Variants in RPAP2 observed in about 807,000 individuals in gnomAD.
The protein encoded by RPAP2 is RNA polymerase II associated protein 2, also known as putative RNA polymerase II subunit B1 CTD phosphatase RPAP2.
A neutral mutation model predicts 73.1 loss-of-function variants in RPAP2; 52 were observed. The ratio of observed to expected loss-of-function variants is 0.71; its 90% CI spans 0.57 to 0.90. The LOEUF (loss-of-function observed/expected upper bound fraction) is 0.90. Among genes scored for constraint, RPAP2 ranks in the 40% least tolerant of loss-of-function variants. The probability of loss-of-function intolerance (pLI) is 0.00; values close to 1 mark genes in which losing one functional copy is unlikely to be tolerated. For missense variants in RPAP2, 598 were observed against 701.8 expected, an observed-to-expected ratio of 0.85 and a Z score of 1.67; for synonymous variants, 225 against 242.1, an observed-to-expected ratio of 0.93 and a Z score of 0.65.
At chr1:92,384,104 T>A (rs1655764478) in intron 12 of RPAP2, among the ~76,000 whole-genome samples, 2 of 151,528 alleles carry the variant, frequency 1.3e-5, no homozygotes, top group Non-Finnish European at 2.9e-5. Flanking sequence ...ACTACAGGCG[T>A]GCACCACCAC....
At chr1:92,302,356 A>G (rs1005073809) in intron 3 of RPAP2, among the ~76,000 whole-genome samples, 1 of 151,606 alleles carries the variant, frequency 6.6e-6, no homozygotes, top group Non-Finnish European at 1.5e-5. Flanking sequence ...AAAAGCAAAT[A>G]TATTTTACCC....
At chr1:92,324,555 A>G (rs539605418) in intron 8 of RPAP2, among the ~76,000 whole-genome samples, 180 bp downstream of exon 8, 52 of 152,348 alleles carry the variant, frequency 3.4e-4, no homozygotes, top group African/African-American at 1.3e-3. Context: ...TATTTTACAA[A>G]TAAGTTGACG....
At chr1:92,305,377 G>A (rs1347052882) in intron 5 of RPAP2, among the ~76,000 whole-genome samples, 2 of 139,850 alleles carry the variant, frequency 1.4e-5, no homozygotes, top group Non-Finnish European at 3.0e-5. Context: ...AGCTTGCAGT[G>A]AGCCGAGATC....
At chr1:92,380,149 G>C (rs188109994) in intron 11 of RPAP2, among the ~76,000 whole-genome samples, 67 of 149,758 alleles carry the variant, frequency 4.5e-4, no homozygotes, top group Middle Eastern at 3.7e-3. Context: ...GTGGTGGCAA[G>C]CACCTATAAT....
In RPAP2 at chr1:92,390,254, GA is replaced by G. The variant is rs1026725031; in HGVS notation, c.*3247del. 2 of 152,194 alleles carry G rather than the reference GA, an allele frequency of 1.3e-5. No individual in the cohort carries two copies. Among genetic ancestry groups the G allele is most frequent in the African/African-American group, 4.8e-5 (2 of 41,466 alleles). 9.4% of individuals were successfully genotyped at this position (152,194 alleles called of 1,614,324 possible). A position where few individuals can be genotyped will look rare whatever the true frequency, so the allele number is the denominator to read the frequency against. On this transcript the variant is annotated 3_prime_UTR_variant, in exon 13 of 13. Coordinates refer to ENST00000610020, the MANE Select transcript of RPAP2 (RefSeq NM_024813.3). ...GGGGCCAATATTCAACATTCTTAAA[GA>G]AAAGAATTTTCAACCCAGAATCTCA...
rs1009282234 is a variant in RPAP2 at position 92,390,324 on chromosome 1, C to T, written c.*3313C>T. 1 of 152,120 alleles carries T rather than the reference C, an allele frequency of 6.6e-6. No homozygotes were observed. Among genetic ancestry groups the T allele is most frequent in the Non-Finnish European group, 1.5e-5 (1 of 68,020 alleles). 9.4% of individuals were successfully genotyped at this position (152,120 alleles called of 1,614,324 possible). A position where few individuals can be genotyped will look rare whatever the true frequency, so the allele number is the denominator to read the frequency against. On this transcript the variant is annotated 3_prime_UTR_variant, in exon 13 of 13. Transcript: ENST00000610020. The stretch of plus-strand genomic sequence containing the variant: ...TTCTTAAGTGAAGGAGAAATAAAAT[C>T]CTTTACAGACAAGCAAATGCTGAGA...
Position 92,307,197 on chromosome 1 carries a change from A to G in RPAP2, c.409A>G (p.Ser137Gly). The G allele has an allele frequency of 6.2e-7, 1 of 1,610,008 alleles. No homozygotes were observed. Among genetic ancestry groups the G allele is most frequent in the Non-Finnish European group, 8.5e-7 (1 of 1,178,098 alleles). ...YDITERKSFC[S>G]NFCYQASKFF... is the part of the protein sequence containing the mutation. ...ATAATGTTCTTTTCAGTCTTTTTGC[A>G]GCAATTTTTGTTATCAAGCATCTAA... Residue 137 changes from serine (S) to glycine (G), a missense_variant, in exon 6 of 13, where the codon AGC (serine) becomes GGC (glycine). By Grantham distance (56) the Ser-to-Gly change is moderately conservative. Around this residue, in one of 3 missense-constraint regions of RPAP2, gnomAD observed 506 missense variants for 612.8 expected, o/e 0.83. Transcript: ENST00000610020.
At chr1:92,382,726 T>G (rs532207196) in intron 12 of RPAP2, among the ~76,000 whole-genome samples, 4 of 152,256 alleles carry the variant, frequency 2.6e-5, no homozygotes, top group Non-Finnish European at 5.9e-5. Context: ...GGTTGCCTGT[T>G]CACTCTGATG....
intron 5 of RPAP2, among the ~76,000 whole-genome samples, chr1:92,305,935 G>A (rs1386159991): frequency 6.6e-6 from 1 of 152,054 alleles, no homozygotes; most frequent in Middle Eastern, 3.4e-3. Context: ...CTATTCCTTG[G>A]TATAAACCCT....
intron 5 of RPAP2, among the ~76,000 whole-genome samples, chr1:92,304,619 G>A (rs1049355949): frequency 1.3e-5 from 2 of 152,142 alleles, no homozygotes; most frequent in Non-Finnish European, 2.9e-5. Context: ...AATAAATCAT[G>A]GAACAGAATA....
rs923335569 is a variant in RPAP2, at chr1:92,392,616, G to A, written c.*5605G>A. 6.6e-6 allele frequency: 1 copy of A among 152,178 alleles called. No homozygotes were observed. Among genetic ancestry groups the A allele is most frequent in the Non-Finnish European group, 1.5e-5 (1 of 68,030 alleles). 9.4% of individuals were successfully genotyped at this position (152,178 alleles called of 1,614,324 possible). ...AATTGTCTCTGTTTGCAGATGACAT[G>A]ATTGTATATTTAGAAAACCCCATCG... is the stretch of plus-strand genomic sequence containing the variant. On this transcript the variant is annotated 3_prime_UTR_variant, in exon 13 of 13. Transcript: ENST00000610020.
intron 2 of RPAP2, 84 bp downstream of exon 2, chr1:92,300,323 C>T: frequency 1.3e-5 from 11 of 831,598 alleles, no homozygotes; most frequent in South Asian, 1.9e-5. Flanking sequence ...TAATGGTTAC[C>T]TTTTTTTTTT....
chr1:92,329,806 T>G (rs1652854377), intron 8 of RPAP2, among the ~76,000 whole-genome samples: 1 of 152,256 alleles, frequency 6.6e-6, no homozygotes, highest in African/African-American at 2.4e-5. Flanking sequence ...AATATTTGCC[T>G]TAGAATTTTT....
At position 92,391,267 on chromosome 1, in the gene RPAP2, T is replaced by G. The variant is rs1656031279; in HGVS notation, c.*4256T>G. ...ACAACTGCATGGAAACTGAACAACC[T>G]GTTCCTGAATGACTACTGGGTAAAT... is the stretch of plus-strand genomic sequence containing the variant. On this transcript the variant is annotated 3_prime_UTR_variant, in exon 13 of 13. Coordinates refer to ENST00000610020, the MANE Select transcript of RPAP2 (RefSeq NM_024813.3). 6.6e-6 allele frequency: 1 copy of G among 152,156 alleles called. No individual in the cohort carries two copies. The highest frequency in any genetic ancestry group is 6.5e-5 in the Admixed American group (1 of 15,276). 9.4% of individuals were successfully genotyped at this position (152,156 alleles called of 1,614,324 possible).
In RPAP2 at chr1:92,299,131, T is replaced by C. The variant is rs1237871744; in HGVS notation, c.58T>C (p.Ser20Pro). 6.6e-7 allele frequency: 1 copy of C among 1,519,502 alleles called. No individual in the cohort carries two copies. The highest frequency in any genetic ancestry group is 8.8e-7 in the Non-Finnish European group (1 of 1,130,020). 94.1% of individuals were successfully genotyped at this position (1,519,502 alleles called of 1,614,324 possible). Residue 20 changes from serine to proline, a missense_variant, in exon 1 of 13, where the codon TCT becomes CCT. By Grantham distance (74) the Ser-to-Pro change is moderately conservative. Transcript: ENST00000610020. ...CCGCAAGGCCGGGGCTCCCCGCTGCTCTCGAAAAGCCGCAGGTAGGAGCAA... is the reference window on the plus strand; with the variant it reads ...CCGCAAGGCCGGGGCTCCCCGCTGCCCTCGAAAAGCCGCAGGTAGGAGCAA... ...AGRKAGAPRC[S>P]RKAAGTKQTS... is the part of the protein sequence containing the mutation.
rs561006010 is a variant in RPAP2, at chr1:92,352,185, G to A, written c.1688+6271G>A. ...GGCTGTTTCCAGTGAACTGTGGCCC[G>A]CTTCCTAGGCAGAGACCATACAATA... On this transcript the variant is annotated intron_variant, in intron 11 of 12. Transcript: ENST00000610020. Among the ~76,000 whole-genome samples the A allele has an allele frequency of 6.6e-4, 100 of 152,216 alleles. 1 individual carries two copies. The highest frequency in any genetic ancestry group is 1.1e-3 in the Non-Finnish European group (73 of 68,006).
At chr1:92,357,475 G>A (rs1016311588) in intron 11 of RPAP2, among the ~76,000 whole-genome samples, 13 of 152,104 alleles carry the variant, frequency 8.5e-5, no homozygotes, top group South Asian at 8.3e-4. Context: ...TACCTATAGC[G>A]TGAAAAAAGC....
chr1:92,396,634 A>ATATGTGTG lies in RPAP2; in HGVS notation c.*9624_*9625insATGTGTGT, dbSNP rs143565558. ...AAGTTGTAATTTTTGCACAACTTTT[A>ATATGTGTG]TGTGTGTGTGTGTGTGTGTGTGTGA... On this transcript the variant is annotated 3_prime_UTR_variant, in exon 13 of 13. Transcript: ENST00000610020. 3.3e-5 allele frequency: 5 copies of ATATGTGTG among 149,870 alleles called. No homozygotes were observed. Among genetic ancestry groups the ATATGTGTG allele is most frequent in the African/African-American group, 4.9e-5 (2 of 40,564 alleles). The allele number at this position is 149,870 out of a possible 1,614,324, so 9.3% of individuals were successfully genotyped here.
intron 8 of RPAP2, among the ~76,000 whole-genome samples, chr1:92,327,030 G>A (rs922736617): frequency 2.6e-5 from 4 of 152,194 alleles, no homozygotes; most frequent in African/African-American, 4.8e-5. Context: ...GGTCTATCTC[G>A]GAGACTGTTC....
Sources: allele counts gnomAD v4.1 joint callset (sites outside exome capture counted in the v4.1 genomes callset), GRCh38; gene constraint gnomAD v4.1.1; regional missense constraint gnomAD v4.1.1; transcripts MANE v1.5; gene names NCBI Gene and HGNC (gene_info 2026-07-23, HGNC 2026-07-21).